Variants in SSH3 observed in about 807,000 individuals in gnomAD.
The protein encoded by SSH3 is slingshot protein phosphatase 3.
SSH3 carries 67 observed loss-of-function variants against 75.0 expected under a neutral mutation model. The observed-to-expected ratio is 0.89, with a 90% CI of 0.73 to 1.10. The LOEUF (loss-of-function observed/expected upper bound fraction) is 1.10. Among genes scored for constraint, SSH3 ranks in the 50% least tolerant of loss-of-function variants. SSH3 has a pLI of 0.00. For synonymous variants in SSH3, 318 were observed against 349.2 expected (o/e 0.91, Z 1.00); for missense variants, 824 against 872.7 (o/e 0.94, Z 0.70).
intron 3 of SSH3, among the ~76,000 whole-genome samples, chr11:67,305,865 T>C (rs1298828932): frequency 6.6e-6 from 1 of 152,182 alleles, no homozygotes; most frequent in Non-Finnish European, 1.5e-5. Context: ...CAGTGAATCT[T>C]TGGTAAAACT....
rs1470777592 is a variant in SSH3 at position 67,310,204 on chromosome 11, A to G, written c.1548A>G (p.Glu516=). Residue 516 remains glutamate, a synonymous_variant, in exon 13 of 14, where the codon GAA becomes GAG. Transcript: ENST00000308127. The part of the protein sequence containing the change: ...GGGEEKVVGM[E]ESQAAPKEEP... ...GGGAGGAGAAGGTTGTAGGCATGGA[A>G]GAGAGCCAGGCAGCCCCGAAAGAAG... 4 of 1,614,084 alleles carry G rather than the reference A, an allele frequency of 2.5e-6. No homozygotes were observed. In the African/African-American group the frequency reaches 5.3e-5, roughly 22 times the overall value.
chr11:67,306,931 G>T lies in SSH3; in HGVS notation c.433G>T (p.Val145Phe). Residue 145 changes from valine to phenylalanine, a missense_variant, in exon 4 of 14, where the codon GTC becomes TTC. Coordinates refer to ENST00000308127, the MANE Select transcript of SSH3 (RefSeq NM_017857.4). Reference protein sequence around the residue: ...EGEGLSQDETVLLGVDFPDSS... With the variant: ...EGEGLSQDETFLLGVDFPDSS... ...AGAAGGTCTGAGCCAGGATGAGACG[G>T]TCCTCCTGGGCGTGGATTTCCCTGA... The T allele has an allele frequency of 6.2e-7, 1 of 1,613,332 alleles. No individual in the cohort carries two copies.
rs2134784724 is a variant in SSH3, at chr11:67,309,895, C to T, written c.1336C>T (p.Leu446Phe). 1.2e-6 allele frequency: 2 copies of T among 1,611,916 alleles called. No homozygotes were observed. The highest frequency in any genetic ancestry group is 1.6e-4 in the Middle Eastern group (1 of 6,062). The change falls in exon 12 of 14, where the codon CTC becomes TTC. Residue 446 changes from leucine (L) to phenylalanine (F), a missense_variant. Physicochemically the swap from Leu to Phe is conservative, Grantham distance 22. Coordinates refer to ENST00000308127, the MANE Select transcript of SSH3 (RefSeq NM_017857.4). ...LEQALRHVQE[L>F]RPIARPNPGF... The stretch of plus-strand genomic sequence containing the variant: ...GCAGGCCCTGCGCCACGTGCAGGAG[C>T]TCCGGCCCATCGCCCGCCCCAACCC...
chr11:67,305,706 T>G (rs570377964), intron 3 of SSH3, among the ~76,000 whole-genome samples: 1 of 152,078 alleles, frequency 6.6e-6, no homozygotes, highest in African/African-American at 2.4e-5. Flanking sequence ...GGACACACAC[T>G]GGGGGAGGGT....
In SSH3 at chr11:67,309,882, C is replaced by T. The variant is rs752278328; in HGVS notation, c.1323C>T (p.Arg441=). The stretch of plus-strand genomic sequence containing the variant: ...AATGCAGCCTGGAGCAGGCCCTGCG[C>T]CACGTGCAGGAGCTCCGGCCCATCG... ...QYECSLEQAL[R]HVQELRPIAR... Residue 441 remains arginine (R), a synonymous_variant, in exon 12 of 14, where the codon CGC becomes CGT. Coordinates refer to ENST00000308127, the MANE Select transcript of SSH3 (RefSeq NM_017857.4). 3.7e-6 allele frequency: 6 copies of T among 1,612,474 alleles called. No individual in the cohort carries two copies. The South Asian group carries it at 5.5e-5, about 15-fold the overall frequency.
rs935754301 is a variant in SSH3 at position 67,307,312 on chromosome 11, G to A, written c.537-59G>A. On this transcript the variant is annotated intron_variant, in intron 5 of 13. Coordinates refer to ENST00000308127, the MANE Select transcript of SSH3 (RefSeq NM_017857.4). The surrounding 1 kb of genome is among the most constrained non-coding windows in gnomAD (Gnocchi z 4.2). ...CTCGGCTTCCCGTATCCAGCAAAAGGATGGGTTCTCTGTCGCAGAGCCTGG... is the reference window on the plus strand; with the variant it reads ...CTCGGCTTCCCGTATCCAGCAAAAGAATGGGTTCTCTGTCGCAGAGCCTGG... The A allele has an allele frequency of 2.5e-6, 4 of 1,607,048 alleles. No individual in the cohort carries two copies. The highest frequency in any genetic ancestry group is 4.5e-5 in the East Asian group (2 of 44,558).
rs976463250 is a variant in SSH3, at chr11:67,308,720, C to G, written c.1061+262C>G. 6.6e-6 allele frequency among the ~76,000 whole-genome samples: 1 copy of G among 151,834 alleles called. No homozygotes were observed. Among genetic ancestry groups the G allele is most frequent in the Non-Finnish European group, 1.5e-5 (1 of 67,964 alleles). ...ACAAAGGGCCTCAGCCACGCCAAGA[C>G]GAGAAGCAGCAGCGCATACTGCTGT... is the stretch of plus-strand genomic sequence containing the variant. On this transcript the variant is annotated intron_variant, in intron 10 of 13. Transcript: ENST00000308127. This position sits in a 1 kb window ranked among gnomAD's most constrained non-coding sequence, Gnocchi z 4.9.
intron 13 of SSH3, among the ~76,000 whole-genome samples, chr11:67,311,215 C>T (rs992055031): frequency 1.3e-5 from 2 of 152,210 alleles, no homozygotes; most frequent in East Asian, 3.9e-4. Flanking sequence ...TCCACCCAGC[C>T]CAGCTCAGGG....
chr11:67,312,535 GT>G lies in SSH3; in HGVS notation c.*653del, dbSNP rs1861436013. On this transcript the variant is annotated 3_prime_UTR_variant, in exon 14 of 14. Coordinates refer to ENST00000308127, the MANE Select transcript of SSH3 (RefSeq NM_017857.4). Reference sequence around the variant, plus strand: ...GTCCTTTCTGGCCTCTGGCTAGTCAGTTTTTCATAGCCTTACAGTATCTGGC... The same window carrying G: ...GTCCTTTCTGGCCTCTGGCTAGTCAGTTTTCATAGCCTTACAGTATCTGGC... 6.5e-6 allele frequency: 1 copy of G among 153,016 alleles called. No homozygotes were observed. The highest frequency in any genetic ancestry group is 1.5e-5 in the Non-Finnish European group (1 of 68,590). 9.5% of individuals were successfully genotyped at this position (153,016 alleles called of 1,614,324 possible).
intron 3 of SSH3, 46 bp from the exon 4 acceptor site, chr11:67,306,792 G>A: frequency 6.4e-7 from 1 of 1,565,222 alleles, no homozygotes; most frequent in Non-Finnish European, 8.7e-7. Context: ...GTGGGGAGCA[G>A]GGTCCTTGGG....
intron 1 of SSH3, 50 bp downstream of exon 1, chr11:67,303,741 T>A: frequency 4.9e-6 from 7 of 1,422,360 alleles, no homozygotes; most frequent in Non-Finnish European, 6.4e-6. Flanking sequence ...TGCCCCGGCT[T>A]GGGAGCGCGT....
chr11:67,307,537 C>A lies in SSH3; in HGVS notation c.603-12C>A. The A allele has an allele frequency of 6.2e-7, 1 of 1,609,486 alleles. No homozygotes were observed. The highest frequency in any genetic ancestry group is 1.7e-5 in the Admixed American group (1 of 59,894). The stretch of plus-strand genomic sequence containing the variant: ...AGGGAACAGTGTGACCCAGCCTCTC[C>A]TCCTGTCTCAGGGCCACACTCCAGG... On this transcript the variant is annotated splice_polypyrimidine_tract_variant and intron_variant, in intron 6 of 13. Coordinates refer to ENST00000308127, the MANE Select transcript of SSH3 (RefSeq NM_017857.4). The surrounding 1 kb of genome is among the most constrained non-coding windows in gnomAD (Gnocchi z 4.2).
chr11:67,304,220 G>A, intron 2 of SSH3, 65 bp downstream of exon 2: 1 of 1,299,172 alleles, frequency 7.7e-7, no homozygotes, highest in East Asian at 2.5e-5. Context: ...GCCGTCCTGG[G>A]CTCCAGCTGC....
chr11:67,309,713 G>C, intron 11 of SSH3, 55 bp from the exon 12 acceptor site: 41 of 1,602,406 alleles, frequency 2.6e-5, no homozygotes, highest in Non-Finnish European at 3.2e-5. Flanking sequence ...TCCCCTGCAG[G>C]AGGCGGGATC....
intron 3 of SSH3, 37 bp downstream of exon 3, chr11:67,305,044 A>T: frequency 6.3e-7 from 1 of 1,576,046 alleles, no homozygotes; most frequent in Non-Finnish European, 8.6e-7. Context: ...GGTGGGGGGA[A>T]GAGACACGCC....
At position 67,304,096 on chromosome 11, in the gene SSH3, C is replaced by G. The variant is rs562720380; in HGVS notation, c.67-22C>G. 36 of 1,580,456 alleles carry G rather than the reference C, an allele frequency of 2.3e-5. No individual in the cohort carries two copies. The African/African-American group carries it at 4.6e-4, about 20-fold the overall frequency. ...ACAGCCCTCCCCGCCCTCACCCTGC[C>G]CTGGGGCTGCTCTCTCCGCAGGACC... On this transcript the variant is annotated intron_variant, in intron 1 of 13. Coordinates refer to ENST00000308127, the MANE Select transcript of SSH3 (RefSeq NM_017857.4).
intron 13 of SSH3, among the ~76,000 whole-genome samples, chr11:67,311,282 T>C (rs908012188): frequency 6.6e-6 from 1 of 151,900 alleles, no homozygotes; most frequent in Admixed American, 6.6e-5. Context: ...AGAGAAAGCA[T>C]AGGAGGGGAG....
rs1861266617 is a variant in SSH3, at chr11:67,307,060, G to A, written c.483G>A (p.Leu161=). The change falls in exon 5 of 14, where the codon CTG becomes CTA. Residue 161 remains leucine (L), a synonymous_variant. Coordinates refer to ENST00000308127, the MANE Select transcript of SSH3 (RefSeq NM_017857.4). The surrounding 1 kb of genome is among the most constrained non-coding windows in gnomAD (Gnocchi z 4.2). ...CTGCCAGCTCCCCCAGCTGCACCCT[G>A]GGCCTGGTCTTGCCCCTCTGGAGTG... ...FPDSSSPSCT[L]GLVLPLWSDT... The A allele has an allele frequency of 6.2e-7, 1 of 1,614,006 alleles. No individual in the cohort carries two copies.
In SSH3 at chr11:67,310,350, G is replaced by A; in HGVS notation, c.1683+11G>A. 1 of 1,593,672 alleles carries A rather than the reference G, an allele frequency of 6.3e-7. No individual in the cohort carries two copies. Among genetic ancestry groups the A allele is most frequent in the Non-Finnish European group, 8.6e-7 (1 of 1,168,494 alleles). On this transcript the variant is annotated intron_variant, in intron 13 of 13. Coordinates refer to ENST00000308127, the MANE Select transcript of SSH3 (RefSeq NM_017857.4). ...AGTGACATGCCAGAGGTGAGGCTGG[G>A]GCTGGGGGAGCTCAGCTTGCAGGGG... is the stretch of plus-strand genomic sequence containing the variant.
Sources: gnomAD v4.1 joint callset for allele counts (sites outside exome capture counted in the v4.1 genomes callset) on GRCh38, gnomAD v4.1.1 for gene constraint, Gnocchi (gnomAD v3.1) non-coding constraint, MANE v1.5 for transcripts, NCBI Gene and HGNC (gene_info 2026-07-23, HGNC 2026-07-21) for gene names.